Variants in CDH12 observed in about 807,000 individuals in gnomAD.
CDH12 encodes the protein cadherin-12.
CDH12 carries 41 observed loss-of-function variants against 74.1 expected under a neutral mutation model. The observed-to-expected ratio is 0.55, with a 90% confidence interval of 0.43 to 0.72. The LOEUF is 0.72. Ranked by LOEUF, CDH12 falls within the 30% of genes least tolerant of loss-of-function variation. The pLI, the probability that CDH12 is intolerant of heterozygous loss-of-function variation, is 0.00. For missense variants in CDH12, 945 were observed against 977.2 expected (o/e 0.97, Z 0.44); for synonymous variants, 399 against 355.0 (o/e 1.12, Z -1.39).
chr5:21,990,626 C>G (rs2547642), intron 5 of CDH12, among the ~76,000 whole-genome samples: 26 of 152,000 alleles, frequency 1.7e-4, no homozygotes. Context: ...AGAAAACTGA[C>G]TGGATTCAAT....
intron 5 of CDH12, among the ~76,000 whole-genome samples, chr5:22,044,955 G>C (rs941501798): frequency 1.3e-5 from 2 of 152,078 alleles, no homozygotes; most frequent in Non-Finnish European, 2.9e-5. Context: ...GGGATTAAAA[G>C]CTTCTATACA....
intron 1 of CDH12, among the ~76,000 whole-genome samples, chr5:22,658,881 A>G (rs1036082490): frequency 2.0e-5 from 3 of 152,144 alleles, no homozygotes; most frequent in African/African-American, 7.2e-5. Flanking sequence ...CTTCCATCAT[A>G]CTACTACTTT....
At chr5:22,439,086 TC>T (rs1405259837) in intron 2 of CDH12, among the ~76,000 whole-genome samples, 1 of 151,820 alleles carries the variant, frequency 6.6e-6, no homozygotes, top group African/African-American at 2.4e-5. Context: ...AATTTGATCA[TC>T]ATGGACAGGC....
chr5:22,537,016 C>G (rs916406243), intron 1 of CDH12, among the ~76,000 whole-genome samples: 1 of 152,146 alleles, frequency 6.6e-6, no homozygotes, highest in Non-Finnish European at 1.5e-5. Flanking sequence ...AACTGACACA[C>G]CAAGGGCCTT....
At chr5:22,336,905 C>T (rs1366559738) in intron 3 of CDH12, among the ~76,000 whole-genome samples, 2 of 152,186 alleles carry the variant, frequency 1.3e-5, no homozygotes, top group African/African-American at 4.8e-5. Flanking sequence ...ACAGCTTGCA[C>T]CATCCACCTG....
chr5:22,352,376 GATA>G (rs751622409), intron 3 of CDH12, among the ~76,000 whole-genome samples: 3 of 151,574 alleles, frequency 2.0e-5, no homozygotes, highest in Admixed American at 1.3e-4. Context: ...GAGACACAGT[GATA>G]ATAAAAATTG....
intron 1 of CDH12, among the ~76,000 whole-genome samples, chr5:22,531,472 T>C (rs1023858387): frequency 3.7e-4 from 56 of 152,122 alleles, no homozygotes; most frequent in African/African-American, 1.4e-3. Flanking sequence ...TTTATAAATA[T>C]ATCTATTGAA....
At chr5:22,789,802 T>G (rs996326644) in intron 1 of CDH12, among the ~76,000 whole-genome samples, 1 of 151,898 alleles carries the variant, frequency 6.6e-6, no homozygotes, top group Non-Finnish European at 1.5e-5. Context: ...TGAAGTGAGT[T>G]CATTTTACCA....
chr5:22,561,450 CAAAT>C (rs1296821504), intron 1 of CDH12, among the ~76,000 whole-genome samples: 1 of 151,838 alleles, frequency 6.6e-6, no homozygotes, highest in African/African-American at 2.4e-5. Flanking sequence ...ATAATTAAAA[CAAAT>C]TAATTCTGAT....
chr5:22,126,945 T>C (rs538995066), intron 4 of CDH12, among the ~76,000 whole-genome samples: 26 of 152,290 alleles, frequency 1.7e-4, no homozygotes, highest in African/African-American at 6.3e-4. Context: ...AAAATACGTC[T>C]TATGGGAAAA....
At chr5:22,307,016 T>C (rs1738143466) in intron 3 of CDH12, among the ~76,000 whole-genome samples, 1 of 152,226 alleles carries the variant, frequency 6.6e-6, no homozygotes, top group Non-Finnish European at 1.5e-5. Flanking sequence ...TAGAACTAAG[T>C]GGCTTTTAGA....
At chr5:22,287,035 G>A (rs1276013388) in intron 3 of CDH12, among the ~76,000 whole-genome samples, 1 of 152,172 alleles carries the variant, frequency 6.6e-6, no homozygotes, top group Non-Finnish European at 1.5e-5. Context: ...ATGTTCCAAT[G>A]GAGGAGGCCT....
chr5:21,862,364 T>C (rs1200022710), intron 6 of CDH12, among the ~76,000 whole-genome samples: 1 of 152,134 alleles, frequency 6.6e-6, no homozygotes, highest in Non-Finnish European at 1.5e-5. Context: ...GCACAATGTT[T>C]CCATTTTACA....
chr5:22,036,327 C>T (rs1739186124), intron 5 of CDH12, among the ~76,000 whole-genome samples: 1 of 152,106 alleles, frequency 6.6e-6, no homozygotes, highest in African/African-American at 2.4e-5. Flanking sequence ...CATCTAGGGA[C>T]TATAGACAGA....
chr5:22,207,075 C>T (rs1410721175), intron 4 of CDH12, among the ~76,000 whole-genome samples: 1 of 151,234 alleles, frequency 6.6e-6, no homozygotes, highest in Non-Finnish European at 1.5e-5. Flanking sequence ...AAAAATTAGC[C>T]GGTCATGGTG....
intron 3 of CDH12, chr5:22,213,509 G>C (rs893550675): frequency 1.3e-5 from 2 of 152,144 alleles, no homozygotes; most frequent in African/African-American, 4.8e-5. Context: ...TGAGAGGATC[G>C]AAAATATCTA....
intron 3 of CDH12, among the ~76,000 whole-genome samples, chr5:22,216,178 C>G (rs1751796969): frequency 6.6e-6 from 1 of 151,978 alleles, no homozygotes; most frequent in Non-Finnish European, 1.5e-5. Context: ...GCTATATAAA[C>G]AGAAGTCAGT....
intron 6 of CDH12, among the ~76,000 whole-genome samples, chr5:21,869,558 T>G: frequency 6.6e-6 from 1 of 152,330 alleles, no homozygotes; most frequent in Middle Eastern, 3.4e-3. Context: ...TCTTTCATCA[T>G]CAAATATAAA....
intron 1 of CDH12, among the ~76,000 whole-genome samples, chr5:22,608,710 A>G (rs144338100): frequency 8.5e-5 from 13 of 152,262 alleles, no homozygotes; most frequent in Admixed American, 7.8e-4. Context: ...TAACTGGATC[A>G]GGGAGCAGTT....
Sources: allele counts gnomAD v4.1 joint callset (sites outside exome capture counted in the v4.1 genomes callset), GRCh38; gene constraint gnomAD v4.1.1; transcripts MANE v1.5; gene names NCBI Gene and HGNC (gene_info 2026-07-23, HGNC 2026-07-21).